CALHM4: variants seen among roughly 807,000 people sequenced by gnomAD.
The protein encoded by CALHM4 is calcium homeostasis modulator family member 4.
In CALHM4, 16 loss-of-function variants were observed where a neutral mutation model predicts 13.3. That is an observed-to-expected ratio of 1.20 (90% CI 0.81 to 1.82). The LOEUF (loss-of-function observed/expected upper bound fraction) is 1.82, where lower values mean the gene tolerates loss of function less well. Ranked by LOEUF, CALHM4 falls within the 40% of genes most tolerant of loss-of-function variation. The pLI, the probability that CALHM4 is intolerant of heterozygous loss-of-function variation, is 0.00. For missense variants in CALHM4, 344 were observed against 374.9 expected (o/e 0.92, Z 0.68); for synonymous variants, 127 against 137.1 (o/e 0.93, Z 0.52).
At chr6:116,538,616 T>C (rs1056755663) in intron 1 of CALHM4, among the ~76,000 whole-genome samples, 1 of 152,208 alleles carries the variant, frequency 6.6e-6, no homozygotes, top group African/African-American at 2.4e-5. Context: ...CAAAGCCTAA[T>C]AAACAACCTT....
At chr6:116,529,470 G>A (rs1424517590) in intron 1 of CALHM4, among the ~76,000 whole-genome samples, 1 of 152,202 alleles carries the variant, frequency 6.6e-6, no homozygotes, top group Admixed American at 6.5e-5. Flanking sequence ...CCACCCTACA[G>A]TTAGGGATTT....
intron 1 of CALHM4, among the ~76,000 whole-genome samples, chr6:116,543,569 C>T (rs977717672): frequency 6.6e-6 from 1 of 152,078 alleles, no homozygotes; most frequent in Admixed American, 6.6e-5. Context: ...ATTATATTCA[C>T]ATTTGGATAC....
chr6:116,538,315 T>C (rs1425311431), intron 1 of CALHM4, among the ~76,000 whole-genome samples: 1 of 152,238 alleles, frequency 6.6e-6, no homozygotes, highest in African/African-American at 2.4e-5. Context: ...ATTTACGGTA[T>C]TGAGCATATT....
At chr6:116,543,676 T>A in intron 1 of CALHM4, 1 of 750,762 alleles carries the variant, frequency 1.3e-6, no homozygotes, top group South Asian at 1.6e-5. Flanking sequence ...TAACTTGCAA[T>A]GTATTTTCAT....
intron 2 of CALHM4, chr6:116,545,722 C>T (rs964836653): frequency 3.5e-5 from 13 of 374,700 alleles, no homozygotes; most frequent in African/African-American, 8.3e-5. Context: ...CTTATAGCCA[C>T]GTAACTTGCC....
intron 2 of CALHM4, among the ~76,000 whole-genome samples, chr6:116,547,229 TG>T (rs1773836111): frequency 6.6e-6 from 1 of 152,204 alleles, no homozygotes; most frequent in Non-Finnish European, 1.5e-5. Context: ...TGGGTCAATT[TG>T]TGGGCAATCC....
Position 116,557,969 on chromosome 6 carries a change from G to A in CALHM4, c.703G>A (p.Ala235Thr). 1.2e-6 allele frequency: 2 copies of A among 1,614,166 alleles called. No homozygotes were observed. The highest frequency in any genetic ancestry group is 1.7e-6 in the Non-Finnish European group (2 of 1,180,040). ...GAATGAGAGAGAACTCTTTGAACAA[G>A]CAGCAGAGCAGCACTCTCGGCTCCT... ...LQNERELFEQ[A>T]AEQHSRLLMM... Residue 235 changes from alanine to threonine, a missense_variant, in exon 2 of 2, where the codon GCA (alanine) becomes ACA (threonine). Coordinates refer to ENST00000368596, the MANE Select transcript of CALHM4 (RefSeq NM_001366078.2).
upstream of CALHM4, among the ~76,000 whole-genome samples, chr6:116,552,978 G>A (rs1473056699): frequency 6.6e-6 from 1 of 152,180 alleles, no homozygotes; most frequent in East Asian, 1.9e-4. Flanking sequence ...CGAGGCTGAG[G>A]CAGGAGAATG....
intron 1 of CALHM4, among the ~76,000 whole-genome samples, chr6:116,534,387 G>A (rs538367594): frequency 8.2e-4 from 124 of 152,144 alleles, no homozygotes; most frequent in Non-Finnish European, 1.6e-3. Flanking sequence ...CAGGAGTTTT[G>A]GCTTGAAATA....
intron 1 of CALHM4, among the ~76,000 whole-genome samples, chr6:116,532,307 C>T (rs1772782055): frequency 6.6e-6 from 1 of 152,090 alleles, no homozygotes; most frequent in Admixed American, 6.6e-5. Flanking sequence ...CGCTATATTG[C>T]CCAGGCAGGT....
intron 1 of CALHM4, among the ~76,000 whole-genome samples, chr6:116,535,723 T>C (rs1424076615): frequency 6.6e-6 from 1 of 152,228 alleles, no homozygotes; most frequent in Non-Finnish European, 1.5e-5. Flanking sequence ...TACTGAATAT[T>C]ACACATTTTC....
Position 116,554,459 on chromosome 6 carries a change from C to T in CALHM4, c.558+108C>T, listed in dbSNP as rs1318132818. Reference sequence around the variant, plus strand: ...TCTTATATTCTCTGATTATAGAACACAATACTAGATGCTGTTCATCAAAGT... The same window carrying T: ...TCTTATATTCTCTGATTATAGAACATAATACTAGATGCTGTTCATCAAAGT... On this transcript the variant is annotated intron_variant, in intron 1 of 1. Coordinates refer to ENST00000368596, the MANE Select transcript of CALHM4 (RefSeq NM_001366078.2). The T allele has an allele frequency of 6.2e-6, 6 of 962,320 alleles. No homozygotes were observed. In the Admixed American group the frequency reaches 1.4e-4, roughly 23 times the overall value. 59.6% of individuals were successfully genotyped at this position (962,320 alleles called of 1,614,324 possible).
chr6:116,543,851 A>G, exon 2 of CALHM4: 4 of 1,534,020 alleles, frequency 2.6e-6, no homozygotes, highest in African/African-American at 1.4e-5. Flanking sequence ...TTCAGGATAA[A>G]CCCAAATGTA....
intron 1 of CALHM4, among the ~76,000 whole-genome samples, chr6:116,539,111 T>C (rs1773276839): frequency 6.6e-6 from 1 of 152,194 alleles, no homozygotes; most frequent in African/African-American, 2.4e-5. Flanking sequence ...CAACTAGAAA[T>C]GCAACAAAAC....
intron 1 of CALHM4, among the ~76,000 whole-genome samples, chr6:116,533,039 C>T (rs1418307260): frequency 1.3e-5 from 2 of 152,194 alleles, no homozygotes; most frequent in East Asian, 3.8e-4. Flanking sequence ...TCTAAGCCCC[C>T]AGCTACATCT....
At chr6:116,532,338 C>T (rs1302859689) in intron 1 of CALHM4, among the ~76,000 whole-genome samples, 2 of 152,176 alleles carry the variant, frequency 1.3e-5, no homozygotes, top group Non-Finnish European at 2.9e-5. Context: ...TGGGCTCAAG[C>T]TATCCTTCCG....
intron 1 of CALHM4, among the ~76,000 whole-genome samples, chr6:116,529,836 C>A (rs1201040695): frequency 6.6e-6 from 1 of 152,068 alleles, no homozygotes; most frequent in Non-Finnish European, 1.5e-5. Flanking sequence ...ATTTTATGGC[C>A]CCCAGGCTGC....
At chr6:116,543,669 C>A in intron 1 of CALHM4, 1 of 737,032 alleles carries the variant, frequency 1.4e-6, no homozygotes, top group Non-Finnish European at 2.2e-6. Flanking sequence ...TACATGATAA[C>A]TTGCAATGTA....
chr6:116,559,708 T>C lies in CALHM4; in HGVS notation c.*1497T>C, dbSNP rs1237714373. Among the ~76,000 whole-genome samples, 2 of 152,178 alleles carry C rather than the reference T, an allele frequency of 1.3e-5. No individual in the cohort carries two copies. Among genetic ancestry groups the C allele is most frequent in the African/African-American group, 2.4e-5 (1 of 41,446 alleles). On this transcript the variant is annotated 3_prime_UTR_variant, in exon 2 of 2. Transcript: ENST00000368596. ...ATAAAAGGGATGATAATATTTTACCTCTTGGAAGAAAATAACTGAACTAAA... is the reference window on the plus strand; with the variant it reads ...ATAAAAGGGATGATAATATTTTACCCCTTGGAAGAAAATAACTGAACTAAA...
Sources: allele counts gnomAD v4.1 joint callset (sites outside exome capture counted in the v4.1 genomes callset), GRCh38; gene constraint gnomAD v4.1.1; transcripts MANE v1.5; gene names NCBI Gene and HGNC (gene_info 2026-07-23, HGNC 2026-07-21).